The following SLC35D1 variants were observed in gnomAD, a reference collection of about 807,000 sequenced individuals.
The protein encoded by SLC35D1 is nucleotide sugar transporter SLC35D1.
A neutral mutation model predicts 46.7 loss-of-function variants in SLC35D1; 31 were observed. That is an observed-to-expected ratio of 0.66 (90% CI 0.50 to 0.90). The LOEUF (loss-of-function observed/expected upper bound fraction) is 0.90, where lower values mean the gene tolerates loss of function less well. Ranked by LOEUF, SLC35D1 falls within the 40% of genes least tolerant of loss-of-function variation. The pLI is 0.00. For missense variants in SLC35D1, 397 were observed against 426.2 expected, an observed-to-expected ratio of 0.93 and a Z score of 0.60; for synonymous variants, 195 against 164.6, an observed-to-expected ratio of 1.18 and a Z score of -1.41.
intron 9 of SLC35D1, among the ~76,000 whole-genome samples, chr1:67,020,788 T>C (rs998277897): frequency 2.0e-5 from 3 of 152,176 alleles, no homozygotes; most frequent in Non-Finnish European, 2.9e-5. Context: ...AATGCAGTTG[T>C]GCACCTTCCA....
At chr1:66,988,300 T>G in the SLC35D1 span, 1 of 152,334 alleles carries the variant, frequency 6.6e-6, no homozygotes, top group Non-Finnish European at 1.5e-5. Flanking sequence ...ATAATTCTAC[T>G]GATACAACTT....
chr1:67,010,074 T>C (rs1487632325), intron 10 of SLC35D1, among the ~76,000 whole-genome samples: 1 of 152,010 alleles, frequency 6.6e-6, no homozygotes, highest in East Asian at 1.9e-4. Flanking sequence ...CTAAGCAAAC[T>C]AACACAGGAA....
chr1:66,993,437 T>C, the SLC35D1 span, among the ~76,000 whole-genome samples: 1 of 152,232 alleles, frequency 6.6e-6, no homozygotes, highest in African/African-American at 2.4e-5. Context: ...GCAATTCTCC[T>C]GGATCTTGTG....
intron 8 of SLC35D1, among the ~76,000 whole-genome samples, chr1:67,041,167 C>T (rs1668234501): frequency 6.6e-6 from 1 of 151,952 alleles, no homozygotes; most frequent in South Asian, 2.1e-4. Flanking sequence ...GTTTCTTGTC[C>T]CATTTTTTTT....
chr1:66,994,045 T>C, the SLC35D1 span, among the ~76,000 whole-genome samples: 2 of 152,084 alleles, frequency 1.3e-5, no homozygotes, highest in African/African-American at 4.8e-5. Context: ...AGCATTCTTG[T>C]AGATCAAAAT....
At chr1:67,040,272 C>G (rs190897015) in intron 8 of SLC35D1, among the ~76,000 whole-genome samples, 1 of 152,266 alleles carries the variant, frequency 6.6e-6, no homozygotes, top group East Asian at 1.9e-4. Context: ...GGATTATAGG[C>G]GGGAGCCACT....
intron 8 of SLC35D1, 137 bp from the exon 9 acceptor site, chr1:67,021,739 A>C (rs1241920869): frequency 1.4e-6 from 1 of 703,906 alleles, no homozygotes. Flanking sequence ...ACACACACAC[A>C]CACACACACA....
At chr1:67,026,905 G>A (rs1334998964) in intron 8 of SLC35D1, among the ~76,000 whole-genome samples, 1 of 152,110 alleles carries the variant, frequency 6.6e-6, no homozygotes, top group African/African-American at 2.4e-5. Context: ...AAAATCATCA[G>A]ATCTCGTAAG....
Position 67,009,071 on chromosome 1 carries a change from A to G in SLC35D1, c.959+14T>C. ...AATTCCGATTTTGCAATTTAATTAA[A>G]TATTTTTACTTACCTGATATTTAAA... On this transcript the variant is annotated intron_variant, in intron 11 of 11. Transcript: ENST00000235345. The G allele has an allele frequency of 2.3e-6, 3 of 1,304,466 alleles. No homozygotes were observed. Among genetic ancestry groups the G allele is most frequent in the Non-Finnish European group, 3.3e-6 (3 of 903,170 alleles). 80.8% of individuals were successfully genotyped at this position (1,304,466 alleles called of 1,614,324 possible). A position where few individuals can be genotyped will look rare whatever the true frequency, so the allele number is the denominator to read the frequency against.
At chr1:67,051,680 C>A (rs531092096) in intron 4 of SLC35D1, among the ~76,000 whole-genome samples, 91 of 152,200 alleles carry the variant, frequency 6.0e-4, no homozygotes, top group African/African-American at 2.0e-3. Context: ...GAACTGAAAT[C>A]CCAGAAGCCT....
intron 10 of SLC35D1, among the ~76,000 whole-genome samples, chr1:67,011,570 C>G (rs989365035): frequency 6.6e-6 from 1 of 152,202 alleles, no homozygotes; most frequent in Non-Finnish European, 1.5e-5. Context: ...GCAATCCCTG[C>G]CTCCTAGGCT....
At chr1:66,993,266 C>A in the SLC35D1 span, among the ~76,000 whole-genome samples, 11 of 152,190 alleles carry the variant, frequency 7.2e-5, no homozygotes, top group Admixed American at 3.9e-4. Flanking sequence ...TTGGACTCTA[C>A]GCACTGGAAC....
At chr1:67,012,037 T>C (rs1256393920) in intron 10 of SLC35D1, among the ~76,000 whole-genome samples, 2 of 152,218 alleles carry the variant, frequency 1.3e-5, no homozygotes, top group African/African-American at 4.8e-5. Flanking sequence ...CACTCTCTCT[T>C]GGTCTCTGCC....
intron 6 of SLC35D1, among the ~76,000 whole-genome samples, chr1:67,048,320 G>A (rs1038758506): frequency 2.0e-5 from 3 of 152,192 alleles, no homozygotes; most frequent in Non-Finnish European, 2.9e-5. Context: ...GTAGACACAA[G>A]AAAGCCCTGA....
In SLC35D1 at chr1:67,002,213, C is replaced by G. The variant is rs1667354186; in HGVS notation, c.*2127G>C. 6.6e-6 allele frequency: 1 copy of G among 152,332 alleles called. No homozygotes were observed. Among genetic ancestry groups the G allele is most frequent in the Non-Finnish European group, 1.5e-5 (1 of 68,058 alleles). The allele number at this position is 152,332 out of a possible 1,614,324, so 9.4% of individuals were successfully genotyped here. On this transcript the variant is annotated 3_prime_UTR_variant, in exon 12 of 12. Transcript: ENST00000235345. ...AGGAAGTGTTGGCAACATTTACAGC[C>G]AGAAGTGCATTATCAACTAAAGTCA...
chr1:66,985,149 C>T, the SLC35D1 span: 2,015 of 1,061,978 alleles, frequency 1.9e-3, 5 homozygotes, highest in Non-Finnish European at 2.2e-3. Context: ...TCTCTACCTT[C>T]TCATTTGAAT....
Position 67,003,485 on chromosome 1 carries a change from T to A in SLC35D1, c.*855A>T, listed in dbSNP as rs1570602185. On this transcript the variant is annotated 3_prime_UTR_variant, in exon 12 of 12. Transcript: ENST00000235345. ...CTGAAACAACTTACTCTTAGTGACATCTTCTGAATAGATTAACAGAGCTAA... is the reference window on the plus strand; with the variant it reads ...CTGAAACAACTTACTCTTAGTGACAACTTCTGAATAGATTAACAGAGCTAA... 1 of 152,362 alleles carries A rather than the reference T, an allele frequency of 6.6e-6. No individual in the cohort carries two copies. Among genetic ancestry groups the A allele is most frequent in the East Asian group, 1.9e-4 (1 of 5,206 alleles). 9.4% of individuals were successfully genotyped at this position (152,362 alleles called of 1,614,324 possible). A position where few individuals can be genotyped will look rare whatever the true frequency, so the allele number is the denominator to read the frequency against.
intron 8 of SLC35D1, among the ~76,000 whole-genome samples, chr1:67,026,514 T>C (rs993641486): frequency 6.6e-6 from 1 of 152,184 alleles, no homozygotes; most frequent in African/African-American, 2.4e-5. Flanking sequence ...TCTGGAAGAA[T>C]TTATGTAGAA....
At position 67,002,887 on chromosome 1, in the gene SLC35D1, TG is replaced by T. The variant is rs1667370047; in HGVS notation, c.*1452del. On this transcript the variant is annotated 3_prime_UTR_variant, in exon 12 of 12. Transcript: ENST00000235345. ...CAAACACACTAATCCTCAAAGTCAATGGATATCTCTGAGTCAAGTCATAGGG... is the reference window on the plus strand; with the variant it reads ...CAAACACACTAATCCTCAAAGTCAATGATATCTCTGAGTCAAGTCATAGGG... 1 of 152,288 alleles carries T rather than the reference TG, an allele frequency of 6.6e-6. No individual in the cohort carries two copies. The highest frequency in any genetic ancestry group is 2.4e-5 in the African/African-American group (1 of 41,436). The allele number at this position is 152,288 out of a possible 1,614,324, so 9.4% of individuals were successfully genotyped here. A position where few individuals can be genotyped will look rare whatever the true frequency, so the allele number is the denominator to read the frequency against.
Sources: allele counts gnomAD v4.1 joint callset (sites outside exome capture counted in the v4.1 genomes callset), GRCh38; gene constraint gnomAD v4.1.1; transcripts MANE v1.5; gene names NCBI Gene and HGNC (gene_info 2026-07-23, HGNC 2026-07-21).